Variants in CDH12 observed in about 807,000 individuals in gnomAD.
CDH12 encodes cadherin 12, also known as cadherin-12.
In CDH12, 41 loss-of-function variants were observed where a neutral mutation model predicts 74.1. That is an observed-to-expected ratio of 0.55 (90% CI 0.43 to 0.72). The LOEUF (loss-of-function observed/expected upper bound fraction) is 0.72, where lower values mean the gene tolerates loss of function less well. Ranked by LOEUF, CDH12 falls within the 30% of genes least tolerant of loss-of-function variation. The pLI is 0.00. For synonymous variants in CDH12, 399 were observed against 355.0 expected (o/e 1.12, Z -1.39); for missense variants, 945 against 977.2 (o/e 0.97, Z 0.44).
At chr5:21,920,688 A>AATAATAATAATAATAATC (rs567836094) in intron 6 of CDH12, among the ~76,000 whole-genome samples, 14 of 150,084 alleles carry the variant, frequency 9.3e-5, no homozygotes, top group Non-Finnish European at 1.3e-4. Flanking sequence ...TAATAATAAT[A>AATAATAATAATAATAATC]ATCTTCAAAG....
intron 2 of CDH12, among the ~76,000 whole-genome samples, chr5:22,502,701 A>G (rs1736224649): frequency 6.6e-6 from 1 of 151,770 alleles, no homozygotes; most frequent in African/African-American, 2.4e-5. Flanking sequence ...TTATTCTTCT[A>G]CATTCAAAAG....
At chr5:22,460,300 T>A (rs1397077602) in intron 2 of CDH12, among the ~76,000 whole-genome samples, 1 of 152,228 alleles carries the variant, frequency 6.6e-6, no homozygotes, top group African/African-American at 2.4e-5. Context: ...CTTATTCATC[T>A]TACAAATGCC....
chr5:21,880,535 T>TTTCCTTCC (rs750768178), intron 6 of CDH12, among the ~76,000 whole-genome samples: 1,386 of 31,448 alleles, frequency 0.044, 310 homozygotes, highest in Middle Eastern at 0.14. Context: ...TCTTCCTTCT[T>TTTCCTTCC]TTCCTTCCTT....
intron 1 of CDH12, among the ~76,000 whole-genome samples, chr5:22,619,575 G>A (rs1561532532): frequency 6.6e-6 from 1 of 151,738 alleles, no homozygotes; most frequent in African/African-American, 2.4e-5. Flanking sequence ...TCTATTTTAT[G>A]ATAAGACATA....
chr5:22,729,719 A>T (rs1580934894), intron 1 of CDH12, among the ~76,000 whole-genome samples: 1 of 151,918 alleles, frequency 6.6e-6, no homozygotes, highest in African/African-American at 2.4e-5. Flanking sequence ...ATTTTAGTTT[A>T]TGATTAAAAG....
rs191646792 is a variant in CDH12, at chr5:21,973,120, T to A, written c.526+1971A>T. ...TATTAAGGAGGCTCAGGTGGAGGGA[T>A]CTCTTCAGCCCAGGAATTTAAGGCT... is the stretch of plus-strand genomic sequence containing the variant. On this transcript the variant is annotated intron_variant, in intron 6 of 14. Coordinates refer to ENST00000382254, the MANE Select transcript of CDH12 (RefSeq NM_004061.5). Among the ~76,000 whole-genome samples the A allele has an allele frequency of 9.5e-4, 143 of 150,394 alleles. 2 individuals are homozygous for A. The highest frequency in any genetic ancestry group is 8.6e-3 in the Admixed American group (129 of 15,058).
At chr5:21,846,885 T>A (rs866719775) in intron 7 of CDH12, among the ~76,000 whole-genome samples, 13 of 152,234 alleles carry the variant, frequency 8.5e-5, no homozygotes, top group Middle Eastern at 3.4e-3. Context: ...GACAAAAAAA[T>A]TTTTTGCTCT....
intron 3 of CDH12, among the ~76,000 whole-genome samples, chr5:22,399,024 G>T (rs1257940655): frequency 1.3e-5 from 2 of 151,860 alleles, no homozygotes; most frequent in African/African-American, 2.4e-5. Flanking sequence ...GAGGTTTTTT[G>T]TTTTGTTTTG....
At chr5:22,247,882 A>G (rs1753009543) in intron 3 of CDH12, among the ~76,000 whole-genome samples, 1 of 152,182 alleles carries the variant, frequency 6.6e-6, no homozygotes, top group South Asian at 2.1e-4. Context: ...GGCCAGACAT[A>G]TGCTCAAACC....
chr5:22,061,879 C>T (rs1273974120), intron 5 of CDH12, among the ~76,000 whole-genome samples: 1 of 152,190 alleles, frequency 6.6e-6, no homozygotes, highest in African/African-American at 2.4e-5. Flanking sequence ...TGCATAAGTG[C>T]TTTCACGTGG....
chr5:22,559,022 C>T (rs898829015), intron 1 of CDH12, among the ~76,000 whole-genome samples: 4 of 152,094 alleles, frequency 2.6e-5, no homozygotes, highest in Non-Finnish European at 4.4e-5. Flanking sequence ...AAGTGACTTT[C>T]ACAGCCTCCT....
intron 8 of CDH12, among the ~76,000 whole-genome samples, chr5:21,835,261 A>C (rs1043334453): frequency 3.3e-5 from 5 of 151,948 alleles, no homozygotes; most frequent in African/African-American, 1.2e-4. Context: ...CTTTGAGACT[A>C]TATGAATATA....
chr5:21,991,531 T>TTATATATAATTGTTA (rs58375889), intron 5 of CDH12, among the ~76,000 whole-genome samples: 1 of 136,622 alleles, frequency 7.3e-6, no homozygotes, highest in Non-Finnish European at 1.5e-5. Context: ...TATATATAGG[T>TTATATATAATTGTTA]TATATATAAT....
intron 2 of CDH12, among the ~76,000 whole-genome samples, chr5:22,491,625 A>AAC (rs1261127708): frequency 7.2e-6 from 1 of 138,104 alleles, no homozygotes; most frequent in Non-Finnish European, 1.5e-5. Flanking sequence ...AAAAAAACAA[A>AAC]AAAAAAAACA....
intron 5 of CDH12, among the ~76,000 whole-genome samples, chr5:22,026,037 C>T (rs1738328025): frequency 6.6e-6 from 1 of 152,116 alleles, no homozygotes; most frequent in Non-Finnish European, 1.5e-5. Context: ...AATCAATCTC[C>T]CCCAAATTCC....
chr5:22,330,440 T>C (rs1387021703), intron 3 of CDH12, among the ~76,000 whole-genome samples: 1 of 151,778 alleles, frequency 6.6e-6, no homozygotes, highest in East Asian at 1.9e-4. Context: ...GAGGATATGG[T>C]GAAAGACTCC....
chr5:22,000,424 A>T (rs1366542979), intron 5 of CDH12, among the ~76,000 whole-genome samples: 1 of 152,208 alleles, frequency 6.6e-6, no homozygotes, highest in Admixed American at 6.5e-5. Context: ...AAGACCAAAC[A>T]GATAAAGCTA....
At chr5:22,162,611 G>A (rs888347354) in intron 4 of CDH12, among the ~76,000 whole-genome samples, 1 of 151,964 alleles carries the variant, frequency 6.6e-6, no homozygotes, top group Non-Finnish European at 1.5e-5. Flanking sequence ...AGTTTTCCCT[G>A]GTCGCAAGTA....
intron 1 of CDH12, among the ~76,000 whole-genome samples, chr5:22,592,901 G>A (rs990801839): frequency 1.1e-4 from 17 of 151,780 alleles, no homozygotes; most frequent in Non-Finnish European, 1.9e-4. Flanking sequence ...GTGGTGGCAT[G>A]CGCCTGTAGT....
Sources: allele counts gnomAD v4.1 joint callset (sites outside exome capture counted in the v4.1 genomes callset), GRCh38; gene constraint gnomAD v4.1.1; transcripts MANE v1.5; gene names NCBI Gene and HGNC (gene_info 2026-07-23, HGNC 2026-07-21).